Variants in FXYD6 observed in about 807,000 individuals in gnomAD.
FXYD6 encodes FXYD domain-containing ion transport regulator 6.
Under a neutral mutation model 16.7 loss-of-function variants are expected in FXYD6, and 7 were observed. The ratio of observed to expected loss-of-function variants is 0.42; its 90% CI spans 0.24 to 0.79. The LOEUF (loss-of-function observed/expected upper bound fraction) is 0.79. Ranked by LOEUF, FXYD6 falls within the 30% of genes least tolerant of loss-of-function variation. FXYD6 has a pLI of 0.28. For synonymous variants in FXYD6, 49 were observed against 43.0 expected, an observed-to-expected ratio of 1.14 and a Z score of -0.54; for missense variants, 111 against 116.2, an observed-to-expected ratio of 0.95 and a Z score of 0.21.
rs980738752 is a variant in FXYD6, at chr11:117,836,993, G to T, written c.*1306C>A. On this transcript the variant is annotated 3_prime_UTR_variant, in exon 8 of 8. Coordinates refer to ENST00000526014, the MANE Select transcript of FXYD6 (RefSeq NM_022003.4). ...ACCTCCGAGCCACTAGGAAACAAAG[G>T]ATATTTTATTCCTTTTTTCTGTTGT... The T allele has an allele frequency of 2.0e-5, 3 of 152,166 alleles. No individual in the cohort carries two copies. Among genetic ancestry groups the T allele is most frequent in the African/African-American group, 7.2e-5 (3 of 41,428 alleles). The allele number at this position is 152,166 out of a possible 1,614,324, so 9.4% of individuals were successfully genotyped here.
chr11:117,854,318 G>A (rs766348443), intron 1 of FXYD6, among the ~76,000 whole-genome samples: 1 of 152,232 alleles, frequency 6.6e-6, no homozygotes, highest in South Asian at 2.1e-4. Flanking sequence ...GGAGTGCAGT[G>A]TTGGCAATAG....
chr11:117,841,740 T>C (rs1472786271), intron 4 of FXYD6, 51 bp downstream of exon 4: 3 of 1,608,226 alleles, frequency 1.9e-6, no homozygotes, highest in African/African-American at 2.7e-5. Context: ...CCCACCTGCT[T>C]AGCAGCCTCA....
chr11:117,839,642 G>T, intron 7 of FXYD6, 139 bp downstream of exon 7: 1 of 967,852 alleles, frequency 1.0e-6, no homozygotes, highest in South Asian at 1.5e-5. Context: ...GACTCCTGAA[G>T]GCTCCTCAGG....
At position 117,850,639 on chromosome 11, in the gene FXYD6, C is replaced by CT. The variant is rs997090820; in HGVS notation, c.-5-7859dup. On this transcript the variant is annotated intron_variant, in intron 1 of 7. Transcript: ENST00000526014. Reference sequence around the variant, plus strand: ...GTTTCTTTTTCTTTCCTTGCCCTTTCTTTTTTCTGGATTAGTTATTTTTAT... The same window carrying CT: ...GTTTCTTTTTCTTTCCTTGCCCTTTCTTTTTTTCTGGATTAGTTATTTTTAT... Among the ~76,000 whole-genome samples the CT allele has an allele frequency of 4.7e-4, 72 of 152,138 alleles. 1 individual carries two copies. The highest frequency in any genetic ancestry group is 1.7e-3 in the African/African-American group (71 of 41,500).
chr11:117,860,815 T>C lies in FXYD6; in HGVS notation c.-6+15777A>G, dbSNP rs1470895856. Among the ~76,000 whole-genome samples the C allele has an allele frequency of 4.6e-5, 7 of 152,214 alleles. No individual in the cohort carries two copies. In the South Asian group the frequency reaches 1.0e-3, roughly 23 times the overall value. ...ATGCCATACCAAGTGTTGTTCTAAA[T>C]AGTTATATAACTCATTCTACCCTTA... On this transcript the variant is annotated intron_variant, in intron 1 of 7. Transcript: ENST00000526014.
intron 1 of FXYD6, among the ~76,000 whole-genome samples, chr11:117,861,336 G>A (rs149025860): frequency 2.6e-5 from 4 of 152,196 alleles, no homozygotes; most frequent in Non-Finnish European, 4.4e-5. Context: ...TCTGTTGGGG[G>A]AGAAGTCGGC....
chr11:117,848,163 A>G (rs927070218), intron 1 of FXYD6, among the ~76,000 whole-genome samples: 1 of 152,120 alleles, frequency 6.6e-6, no homozygotes. Flanking sequence ...GCAAACACAC[A>G]CGCACACAAC....
chr11:117,864,607 G>A (rs1310158744), intron 1 of FXYD6, among the ~76,000 whole-genome samples: 2 of 151,670 alleles, frequency 1.3e-5, no homozygotes, highest in African/African-American at 2.4e-5. Context: ...TTTTTTTTGA[G>A]ACGGAGTCTC....
chr11:117,865,635 G>C (rs1003940346), intron 1 of FXYD6, among the ~76,000 whole-genome samples: 3 of 152,056 alleles, frequency 2.0e-5, no homozygotes, highest in African/African-American at 7.2e-5. Context: ...TGGTGAGGTT[G>C]AGCATCCTGG....
chr11:117,867,845 A>AAAAG (rs1048989144), intron 1 of FXYD6, among the ~76,000 whole-genome samples: 8 of 152,264 alleles, frequency 5.3e-5, no homozygotes, highest in Non-Finnish European at 8.8e-5. Flanking sequence ...TCAGAAAAAA[A>AAAAG]AAAGAAAGAA....
intron 1 of FXYD6, among the ~76,000 whole-genome samples, chr11:117,861,053 G>C (rs1283119979): frequency 1.3e-5 from 2 of 152,180 alleles, no homozygotes; most frequent in African/African-American, 4.8e-5. Context: ...GGCCTCGGGA[G>C]CGTTACTTGG....
At chr11:117,857,084 A>C (rs963169369) in intron 1 of FXYD6, among the ~76,000 whole-genome samples, 6 of 152,214 alleles carry the variant, frequency 3.9e-5, no homozygotes, top group African/African-American at 1.4e-4. Context: ...GGCCAGGGAC[A>C]TGAGAGGGCA....
At chr11:117,856,577 G>A (rs1277232012) in intron 1 of FXYD6, among the ~76,000 whole-genome samples, 2 of 152,154 alleles carry the variant, frequency 1.3e-5, no homozygotes, top group Non-Finnish European at 2.9e-5. Context: ...TTATGAGGCC[G>A]CAGAATGCCT....
intron 1 of FXYD6, among the ~76,000 whole-genome samples, chr11:117,851,282 G>GCT (rs35477142): frequency 6.6e-6 from 1 of 151,512 alleles, no homozygotes; most frequent in African/African-American, 2.4e-5. Context: ...CCTCTTGTGT[G>GCT]CTCTCTCTCT....
chr11:117,848,165 G>A (rs512481), intron 1 of FXYD6, among the ~76,000 whole-genome samples: 59,613 of 151,900 alleles, frequency 0.39, 12,272 homozygotes, highest in Non-Finnish European at 0.47. Context: ...AAACACACAC[G>A]CACACAACAC....
At chr11:117,840,789 C>A (rs959800997) in intron 5 of FXYD6, among the ~76,000 whole-genome samples, 1 of 152,024 alleles carries the variant, frequency 6.6e-6, no homozygotes, top group African/African-American at 2.4e-5. Flanking sequence ...GGGACTGTGT[C>A]GCAGGTCCTG....
intron 5 of FXYD6, 66 bp from the exon 6 acceptor site, chr11:117,840,434 T>A (rs1008031393): frequency 6.2e-7 from 1 of 1,606,482 alleles, no homozygotes; most frequent in Non-Finnish European, 8.5e-7. Flanking sequence ...AGCATCGTTC[T>A]GCTCCTCACT....
chr11:117,867,452 G>A (rs994740119), intron 1 of FXYD6, among the ~76,000 whole-genome samples: 1 of 152,170 alleles, frequency 6.6e-6, no homozygotes, highest in Admixed American at 6.6e-5. Context: ...TTACCTAATA[G>A]TGCAGTAGCT....
In FXYD6 at chr11:117,870,143, G is replaced by A. The variant is rs1300342703; in HGVS notation, c.-6+6449C>T. Among the ~76,000 whole-genome samples the A allele has an allele frequency of 6.6e-6, 1 of 152,272 alleles. No homozygotes were observed. The highest frequency in any genetic ancestry group is 1.5e-5 in the Non-Finnish European group (1 of 68,048). ...AAGCAGAAACACAGAACAGTACTGC[G>A]AGGCCAACTCAGGCACAGGCCAATG... On this transcript the variant is annotated intron_variant, in intron 1 of 7. Transcript: ENST00000526014. The surrounding 1 kb of genome is among the most constrained non-coding windows in gnomAD (Gnocchi z 4.2).
Sources: allele counts gnomAD v4.1 joint callset (sites outside exome capture counted in the v4.1 genomes callset), GRCh38; gene constraint gnomAD v4.1.1; non-coding constraint Gnocchi (gnomAD v3.1); transcripts MANE v1.5; gene names NCBI Gene and HGNC (gene_info 2026-07-23, HGNC 2026-07-21).